Variants in KIAA1217 observed in about 807,000 individuals in gnomAD.
KIAA1217 encodes KIAA1217.
KIAA1217 carries 88 observed loss-of-function variants against 163.9 expected under a neutral mutation model. The observed-to-expected ratio is 0.54, with a 90% confidence interval of 0.45 to 0.64. The LOEUF is 0.64. KIAA1217 is among the 30% of genes least tolerant of loss of function. KIAA1217 has a pLI of 0.00. For missense variants in KIAA1217, 2,372 were observed against 2,475.0 expected, an observed-to-expected ratio of 0.96 and a Z score of 0.88; for synonymous variants, 903 against 923.1, an observed-to-expected ratio of 0.98 and a Z score of 0.39.
intron 1 of KIAA1217, among the ~76,000 whole-genome samples, chr10:23,993,324 G>A (rs1012645732): frequency 2.2e-4 from 34 of 151,566 alleles, no homozygotes; most frequent in African/African-American, 7.8e-4. Flanking sequence ...GAGCCACTGC[G>A]CCCAGCCTGA....
intron 3 of KIAA1217, among the ~76,000 whole-genome samples, chr10:24,418,807 A>G (rs1003222470): frequency 1.3e-5 from 2 of 152,014 alleles, no homozygotes; most frequent in African/African-American, 2.4e-5. Flanking sequence ...AAACTGTTGC[A>G]TATCCCTAAA....
At position 24,264,788 on chromosome 10, in the gene KIAA1217, TC is replaced by T. The variant is rs1301285686; in HGVS notation, c.354+44880del. Among the ~76,000 whole-genome samples the T allele has an allele frequency of 1.7e-4, 26 of 151,678 alleles. No individual in the cohort carries two copies. In the East Asian group the frequency reaches 4.5e-3, roughly 26 times the overall value. ...CTTTCTCTCTCTCTCTCTCTCTCTC[TC>T]TCTCTCTCTCTCTCATTCTCTCTTT... On this transcript the variant is annotated intron_variant, in intron 2 of 20. Transcript: ENST00000376454.
intron 3 of KIAA1217, among the ~76,000 whole-genome samples, chr10:24,415,641 C>A (rs184272068): frequency 6.6e-6 from 1 of 152,216 alleles, no homozygotes; most frequent in East Asian, 1.9e-4. Flanking sequence ...GTCTCAACCC[C>A]CTTCCGCCTT....
At chr10:24,486,431 T>C (rs1312327238) in intron 6 of KIAA1217, among the ~76,000 whole-genome samples, 2 of 152,174 alleles carry the variant, frequency 1.3e-5, no homozygotes, top group African/African-American at 4.8e-5. Context: ...GTCCACTTTC[T>C]GAAGTATCCT....
intron 6 of KIAA1217, among the ~76,000 whole-genome samples, chr10:24,491,083 T>TGG (rs1360045561): frequency 2.0e-5 from 3 of 152,142 alleles, no homozygotes; most frequent in South Asian, 2.1e-4. Context: ...TATTACCTGG[T>TGG]GGGAGCTCAG....
intron 5 of KIAA1217, among the ~76,000 whole-genome samples, chr10:24,445,430 G>A (rs921751931): frequency 1.1e-4 from 16 of 151,866 alleles, no homozygotes; most frequent in South Asian, 4.2e-4. Context: ...TGTGCACAAC[G>A]TGCAGGTTTG....
chr10:24,098,272 C>G (rs746648174), intron 2 of KIAA1217, among the ~76,000 whole-genome samples: 3 of 151,988 alleles, frequency 2.0e-5, no homozygotes, highest in African/African-American at 7.2e-5. Flanking sequence ...AGCTGAGATT[C>G]GCACCTAACT....
intron 2 of KIAA1217, among the ~76,000 whole-genome samples, chr10:24,365,170 C>T (rs1284841771): frequency 6.6e-6 from 1 of 152,074 alleles, no homozygotes; most frequent in African/African-American, 2.4e-5. Context: ...CTTTCCTTGC[C>T]CCCGTTTCTC....
At chr10:23,829,762 T>C (rs1324833828) in intron 1 of KIAA1217, among the ~76,000 whole-genome samples, 1 of 152,196 alleles carries the variant, frequency 6.6e-6, no homozygotes, top group Non-Finnish European at 1.5e-5. Context: ...TTTTTGTACA[T>C]GTGGTAATCT....
intron 1 of KIAA1217, among the ~76,000 whole-genome samples, chr10:23,871,392 T>C (rs887705102): frequency 6.6e-6 from 1 of 152,096 alleles, no homozygotes; most frequent in African/African-American, 2.4e-5. Flanking sequence ...GGGGTCTTGC[T>C]CTTCTAAGGC....
intron 5 of KIAA1217, among the ~76,000 whole-genome samples, chr10:24,450,438 A>G (rs986377351): frequency 6.6e-6 from 1 of 152,210 alleles, no homozygotes; most frequent in Admixed American, 6.5e-5. Context: ...TTTGACAGAA[A>G]TCTTGTTTAC....
At chr10:24,068,149 C>T (rs1301321565) in intron 2 of KIAA1217, among the ~76,000 whole-genome samples, 3 of 152,158 alleles carry the variant, frequency 2.0e-5, no homozygotes, top group Non-Finnish European at 4.4e-5. Context: ...CACCCACTGT[C>T]CTGCACCCAC....
At chr10:24,345,867 C>T (rs905774862) in intron 2 of KIAA1217, among the ~76,000 whole-genome samples, 1 of 152,164 alleles carries the variant, frequency 6.6e-6, no homozygotes, top group African/African-American at 2.4e-5. Flanking sequence ...CGTACAGTTC[C>T]GTGGTGTTAA....
intron 5 of KIAA1217, among the ~76,000 whole-genome samples, chr10:24,443,637 A>G (rs2060681303): frequency 6.6e-6 from 1 of 152,176 alleles, no homozygotes. Context: ...TGGCCTGTGC[A>G]CCATCTTCAG....
chr10:24,488,948 C>T (rs77944554), intron 6 of KIAA1217, among the ~76,000 whole-genome samples: 14,198 of 152,184 alleles, frequency 0.093, 949 homozygotes, highest in East Asian at 0.16. Flanking sequence ...GCTGTGTCCA[C>T]GGCAGCTAGC....
chr10:24,166,342 G>A (rs954136641), intron 2 of KIAA1217, among the ~76,000 whole-genome samples: 2 of 152,090 alleles, frequency 1.3e-5, no homozygotes, highest in East Asian at 3.9e-4. Context: ...AATAATCTTG[G>A]TTGTTGATTA....
intron 2 of KIAA1217, among the ~76,000 whole-genome samples, chr10:24,146,522 C>CA (rs1228146652): frequency 6.6e-6 from 1 of 151,906 alleles, no homozygotes; most frequent in Non-Finnish European, 1.5e-5. Flanking sequence ...CCCAGCTCTA[C>CA]AAAAAATACA....
intron 1 of KIAA1217, among the ~76,000 whole-genome samples, chr10:23,798,084 G>A (rs2130949778): frequency 6.6e-6 from 1 of 152,226 alleles, no homozygotes; most frequent in South Asian, 2.1e-4. Flanking sequence ...TTCAAACAAT[G>A]GTCTCTGGAG....
At chr10:24,493,359 C>T (rs1309624818) in intron 6 of KIAA1217, among the ~76,000 whole-genome samples, 1 of 152,180 alleles carries the variant, frequency 6.6e-6, no homozygotes, top group African/African-American at 2.4e-5. Context: ...ACAGGCAATG[C>T]CCATGCCATA....
Sources: gnomAD v4.1 joint callset for allele counts (sites outside exome capture counted in the v4.1 genomes callset) on GRCh38, gnomAD v4.1.1 for gene constraint, MANE v1.5 for transcripts, NCBI Gene and HGNC (gene_info 2026-07-23, HGNC 2026-07-21) for gene names.